Variants in PLPP1 observed in about 807,000 individuals in gnomAD.
The protein encoded by PLPP1 is phospholipid phosphatase 1.
PLPP1 carries 24 observed loss-of-function variants against 31.2 expected under a neutral mutation model. The observed-to-expected ratio is 0.77, with a 90% CI of 0.56 to 1.08. The LOEUF (loss-of-function observed/expected upper bound fraction) is 1.08, where lower values mean the gene tolerates loss of function less well. Ranked by LOEUF, PLPP1 falls within the 50% of genes least tolerant of loss-of-function variation. The pLI is 0.00. For synonymous variants in PLPP1, 146 were observed against 126.3 expected (o/e 1.16, Z -1.05); for missense variants, 319 against 342.7 (o/e 0.93, Z 0.55).
intron 1 of PLPP1, chr5:55,530,118 C>T: frequency 3.0e-6 from 3 of 990,126 alleles, no homozygotes; most frequent in Non-Finnish European, 4.9e-6. Context: ...TTAAAGATGG[C>T]ACTTGCAGGT....
intron 1 of PLPP1, among the ~76,000 whole-genome samples, chr5:55,504,551 A>G (rs933437150): frequency 1.6e-5 from 2 of 127,848 alleles, no homozygotes; most frequent in Non-Finnish European, 3.4e-5. Context: ...AAAAAAAAAG[A>G]CTAATGAAAC....
At chr5:55,487,973 C>CA (rs1752809425) in intron 1 of PLPP1, among the ~76,000 whole-genome samples, 1 of 151,916 alleles carries the variant, frequency 6.6e-6, no homozygotes, top group Admixed American at 6.6e-5. Context: ...ATTAAAAATA[C>CA]AAAAAATTAG....
chr5:55,534,566 A>C lies in PLPP1; in HGVS notation c.58+6T>G. On this transcript the variant is annotated splice_donor_region_variant and intron_variant, in intron 1 of 5. Transcript: ENST00000307259. ...ACGCCCCTCGGACCCGGCGGCGCGTACGTACCCAGCAACACGCAGAGCACA... is the reference window on the plus strand; with the variant it reads ...ACGCCCCTCGGACCCGGCGGCGCGTCCGTACCCAGCAACACGCAGAGCACA... The C allele has an allele frequency of 1.3e-6, 2 of 1,539,724 alleles. No individual in the cohort carries two copies. The highest frequency in any genetic ancestry group is 1.7e-6 in the Non-Finnish European group (2 of 1,145,232).
At chr5:55,499,908 T>C (rs755215810) in intron 1 of PLPP1, among the ~76,000 whole-genome samples, 3 of 151,786 alleles carry the variant, frequency 2.0e-5, no homozygotes, top group Non-Finnish European at 4.4e-5. Context: ...ATATTTCACA[T>C]ATATATTTAT....
At chr5:55,470,303 CCA>C (rs1330307432) in intron 2 of PLPP1, among the ~76,000 whole-genome samples, 2 of 152,330 alleles carry the variant, frequency 1.3e-5, no homozygotes, top group South Asian at 4.1e-4. Context: ...TATTAATCAA[CCA>C]CAGTTTCAGC....
intron 3 of PLPP1, among the ~76,000 whole-genome samples, chr5:55,453,007 T>C (rs893458606): frequency 7.3e-6 from 1 of 137,494 alleles, no homozygotes; most frequent in Non-Finnish European, 1.6e-5. Context: ...TTATCGAACA[T>C]AGAGTAGGTA....
chr5:55,526,931 CAAAAAAAAAA>C (rs34267008), intron 1 of PLPP1, among the ~76,000 whole-genome samples: 4 of 75,528 alleles, frequency 5.3e-5, no homozygotes, highest in South Asian at 5.8e-4. Context: ...GATTCCATCT[CAAAAAAAAAA>C]AAAAAAAAAA....
At chr5:55,472,684 T>G (rs201631958) in intron 2 of PLPP1, among the ~76,000 whole-genome samples, 8 of 124,366 alleles carry the variant, frequency 6.4e-5, no homozygotes, top group Admixed American at 8.8e-5. Flanking sequence ...AAGAGAGAGA[T>G]AAAGACAGAA....
intron 3 of PLPP1, among the ~76,000 whole-genome samples, chr5:55,457,708 G>A (rs1374205766): frequency 1.3e-5 from 2 of 152,094 alleles, no homozygotes; most frequent in African/African-American, 2.4e-5. Flanking sequence ...GGCCAATATG[G>A]TGAAACCCCA....
intron 3 of PLPP1, among the ~76,000 whole-genome samples, chr5:55,452,484 C>T (rs1378995383): frequency 1.3e-5 from 2 of 152,146 alleles, no homozygotes; most frequent in East Asian, 3.8e-4. Context: ...AAATAAACCT[C>T]ATTTATTAAT....
At chr5:55,469,505 A>G (rs1232450723) in intron 2 of PLPP1, among the ~76,000 whole-genome samples, 4 of 43,176 alleles carry the variant, frequency 9.3e-5, no homozygotes, top group Non-Finnish European at 1.8e-4. Context: ...AAATAATAAT[A>G]AAAATTAAAA....
chr5:55,481,043 T>C (rs1752657938), intron 1 of PLPP1, among the ~76,000 whole-genome samples: 1 of 152,212 alleles, frequency 6.6e-6, no homozygotes, highest in Non-Finnish European at 1.5e-5. Flanking sequence ...GTATGTGATA[T>C]GGTAACTTAC....
chr5:55,443,830 A>G (rs992226850), intron 3 of PLPP1, among the ~76,000 whole-genome samples: 3 of 150,816 alleles, frequency 2.0e-5, no homozygotes, highest in Non-Finnish European at 4.4e-5. Flanking sequence ...ATTCTATTCA[A>G]TCTCAGTGTC....
At chr5:55,426,409 T>C (rs1313818350) in intron 4 of PLPP1, among the ~76,000 whole-genome samples, 2 of 152,128 alleles carry the variant, frequency 1.3e-5, no homozygotes, top group African/African-American at 4.8e-5. Flanking sequence ...TTTTATTGTT[T>C]TCCTTAAAGA....
At chr5:55,441,067 T>C (rs1305275267) in intron 4 of PLPP1, among the ~76,000 whole-genome samples, 1 of 152,206 alleles carries the variant, frequency 6.6e-6, no homozygotes, top group Non-Finnish European at 1.5e-5. Context: ...ATTAATACTT[T>C]ATATGTAAAG....
chr5:55,425,152 C>T lies in PLPP1; in HGVS notation c.*54G>A, dbSNP rs1476142020. The T allele has an allele frequency of 1.3e-6, 2 of 1,574,502 alleles. No individual in the cohort carries two copies. Among genetic ancestry groups the T allele is most frequent in the Admixed American group, 4.0e-5 (2 of 50,362 alleles). ...AAAGATGCATCCTCTTGCCTTGTGG[C>T]AATCATTTTCCTTTAGAAAACAGGC... On this transcript the variant is annotated 3_prime_UTR_variant, in exon 6 of 6. Transcript: ENST00000307259.
chr5:55,433,654 C>G (rs541798389), intron 4 of PLPP1, among the ~76,000 whole-genome samples: 1 of 149,814 alleles, frequency 6.7e-6, no homozygotes, highest in South Asian at 2.2e-4. Context: ...CGCGTGCCAC[C>G]ACACCTGGCT....
chr5:55,459,301 T>C (rs1378822801), intron 3 of PLPP1, among the ~76,000 whole-genome samples: 1 of 151,658 alleles, frequency 6.6e-6, no homozygotes, highest in Admixed American at 6.6e-5. Context: ...AAACAAAGTT[T>C]ACGCAAATGA....
At chr5:55,524,621 C>T (rs1753741735) in intron 1 of PLPP1, among the ~76,000 whole-genome samples, 1 of 152,022 alleles carries the variant, frequency 6.6e-6, no homozygotes, top group Admixed American at 6.6e-5. Flanking sequence ...ACTAGCCTGG[C>T]CAACATGGTG....
Sources: gnomAD v4.1 joint callset for allele counts (sites outside exome capture counted in the v4.1 genomes callset) on GRCh38, gnomAD v4.1.1 for gene constraint, MANE v1.5 for transcripts, NCBI Gene and HGNC (gene_info 2026-07-23, HGNC 2026-07-21) for gene names.